Variants in PRKN observed in about 807,000 individuals in gnomAD.
PRKN encodes parkin RBR E3 ubiquitin protein ligase, also known as E3 ubiquitin-protein ligase parkin.
In PRKN, 56 loss-of-function variants were observed where a neutral mutation model predicts 59.5. That is an observed-to-expected ratio of 0.94 (90% CI 0.76 to 1.18). The LOEUF is 1.18. PRKN is among the 50% of genes most tolerant of loss of function. PRKN has a pLI of 0.00. For missense variants in PRKN, 657 were observed against 596.4 expected (o/e 1.10, Z -1.06); for synonymous variants, 250 against 222.1 (o/e 1.13, Z -1.12).
At chr6:162,250,265 G>C (rs1396051468) in intron 3 of PRKN, among the ~76,000 whole-genome samples, 2 of 152,076 alleles carry the variant, frequency 1.3e-5, no homozygotes, top group African/African-American at 2.4e-5. Flanking sequence ...ATGTCCTTTT[G>C]GTGCAGCGTT....
At chr6:161,381,041 C>T (rs1011339027) in intron 10 of PRKN, among the ~76,000 whole-genome samples, 3 of 152,140 alleles carry the variant, frequency 2.0e-5, no homozygotes, top group African/African-American at 7.2e-5. Context: ...TTTTGTTGTT[C>T]TGTTTGTTTT....
At chr6:162,625,567 T>C (rs1474708367) in intron 1 of PRKN, among the ~76,000 whole-genome samples, 2 of 152,124 alleles carry the variant, frequency 1.3e-5, no homozygotes, top group Non-Finnish European at 2.9e-5. Flanking sequence ...TTTCAAATTG[T>C]AAATGAGTCC....
At chr6:162,263,246 C>T (rs571614465) in intron 2 of PRKN, 10 of 198,246 alleles carry the variant, frequency 5.0e-5, no homozygotes, top group South Asian at 4.4e-4. Context: ...CACCTGGCTA[C>T]GAAAAATATT....
chr6:161,750,157 A>G (rs2128194521), intron 7 of PRKN, among the ~76,000 whole-genome samples: 1 of 151,838 alleles, frequency 6.6e-6, no homozygotes, highest in East Asian at 1.9e-4. Flanking sequence ...ATAAATTAGT[A>G]CAAAATTGTT....
intron 9 of PRKN, among the ~76,000 whole-genome samples, chr6:161,411,622 T>C (rs1189181692): frequency 6.6e-6 from 1 of 152,098 alleles, no homozygotes; most frequent in East Asian, 1.9e-4. Context: ...CTCCACTCAT[T>C]CATTCCTTCC....
chr6:162,451,183 A>C (rs370682423), intron 1 of PRKN, among the ~76,000 whole-genome samples: 1 of 152,142 alleles, frequency 6.6e-6, no homozygotes, highest in Admixed American at 6.5e-5. Context: ...CAGTGTCTCC[A>C]GTAATTACGT....
intron 7 of PRKN, among the ~76,000 whole-genome samples, chr6:161,688,616 A>C (rs1785656609): frequency 6.6e-6 from 1 of 152,218 alleles, no homozygotes; most frequent in Non-Finnish European, 1.5e-5. Flanking sequence ...ATGGCCAGGT[A>C]CTAGTATAGC....
At chr6:162,566,027 G>A (rs1780061772) in intron 1 of PRKN, among the ~76,000 whole-genome samples, 1 of 152,050 alleles carries the variant, frequency 6.6e-6, no homozygotes. Flanking sequence ...TCAGCAAGAC[G>A]ATATAAGAAC....
chr6:162,094,850 C>T (rs1779662252), intron 4 of PRKN, among the ~76,000 whole-genome samples: 7 of 152,250 alleles, frequency 4.6e-5, no homozygotes, highest in Middle Eastern at 3.4e-3. Context: ...TGTATTTAGA[C>T]ATTTCCTATT....
intron 3 of PRKN, among the ~76,000 whole-genome samples, chr6:162,230,454 T>A (rs1778374688): frequency 6.6e-6 from 1 of 151,996 alleles, no homozygotes. Context: ...AGGGGAAGAG[T>A]GAAGAGGAAG....
Position 161,533,413 on chromosome 6 carries a change from C to T in PRKN, c.1083+15441G>A, listed in dbSNP as rs562202809. Among the ~76,000 whole-genome samples, 76 of 152,206 alleles carry T rather than the reference C, an allele frequency of 5.0e-4. No homozygotes were observed. The highest frequency in any genetic ancestry group is 1.8e-3 in the African/African-American group (74 of 41,508). On this transcript the variant is annotated intron_variant, in intron 9 of 11. Coordinates refer to ENST00000366898, the MANE Select transcript of PRKN (RefSeq NM_004562.3). The surrounding 1 kb of genome is among the most constrained non-coding windows in gnomAD (Gnocchi z 4.1). ...CAAACAAGCATGCTGGAAGCTTGCA[C>T]AGGTACATGCTGGCAGTTGTGCCCG...
intron 1 of PRKN, among the ~76,000 whole-genome samples, chr6:162,684,697 C>T (rs1779901331): frequency 6.6e-6 from 1 of 152,028 alleles, no homozygotes; most frequent in Admixed American, 6.6e-5. Flanking sequence ...AGTTAGGACA[C>T]AAGGAGCAGG....
intron 2 of PRKN, among the ~76,000 whole-genome samples, chr6:162,424,536 C>T (rs530578180): frequency 1.3e-5 from 2 of 151,864 alleles, no homozygotes; most frequent in Non-Finnish European, 2.9e-5. Flanking sequence ...GAGTTCAAGA[C>T]CAGCCTGGCC....
intron 3 of PRKN, among the ~76,000 whole-genome samples, chr6:162,256,783 C>T (rs1172458687): frequency 6.6e-6 from 1 of 152,158 alleles, no homozygotes. Flanking sequence ...AGCCAGGCCT[C>T]ATGGAGTCTT....
intron 1 of PRKN, among the ~76,000 whole-genome samples, chr6:162,599,697 G>A (rs1366783288): frequency 6.6e-6 from 1 of 152,136 alleles, no homozygotes; most frequent in African/African-American, 2.4e-5. Flanking sequence ...TCTTCCCGAA[G>A]ATGTCAATCA....
chr6:161,631,796 CCACA>C (rs1783325518), intron 7 of PRKN, among the ~76,000 whole-genome samples: 1 of 150,520 alleles, frequency 6.6e-6, no homozygotes, highest in South Asian at 2.1e-4. Flanking sequence ...CACACACACC[CCACA>C]CACACACATT....
chr6:162,643,497 T>C (rs1055994038), intron 1 of PRKN, among the ~76,000 whole-genome samples: 1 of 152,042 alleles, frequency 6.6e-6, no homozygotes, highest in African/African-American at 2.4e-5. Flanking sequence ...ACCTAGAAAT[T>C]AGACCATTTG....
chr6:161,881,749 T>C (rs1191270884), intron 6 of PRKN, among the ~76,000 whole-genome samples: 1 of 152,190 alleles, frequency 6.6e-6, no homozygotes, highest in Non-Finnish European at 1.5e-5. Context: ...CTAAGCATGA[T>C]TGTCCCGCTT....
intron 7 of PRKN, among the ~76,000 whole-genome samples, chr6:161,729,640 T>C (rs538797629): frequency 6.6e-6 from 1 of 152,318 alleles, no homozygotes; most frequent in Admixed American, 6.5e-5. Flanking sequence ...GTGATGTGTG[T>C]CAAAAGGAGT....
Sources: allele counts gnomAD v4.1 joint callset (sites outside exome capture counted in the v4.1 genomes callset), GRCh38; gene constraint gnomAD v4.1.1; non-coding constraint Gnocchi (gnomAD v3.1); transcripts MANE v1.5; gene names NCBI Gene and HGNC (gene_info 2026-07-23, HGNC 2026-07-21).